The following TNFRSF8 variants were observed in gnomAD, a reference collection of about 807,000 sequenced individuals.
TNFRSF8 encodes TNF receptor superfamily member 8.
In TNFRSF8, 26 loss-of-function variants were observed where a neutral mutation model predicts 70.8. The observed-to-expected ratio is 0.37, with a 90% CI of 0.27 to 0.51. The LOEUF is 0.51. TNFRSF8 is among the 20% of genes least tolerant of loss of function. The pLI is 0.94. For missense variants in TNFRSF8, 720 were observed against 807.9 expected, an observed-to-expected ratio of 0.89 and a Z score of 1.32; for synonymous variants, 356 against 339.2, an observed-to-expected ratio of 1.05 and a Z score of -0.54.
chr1:12,123,697 T>C lies in TNFRSF8; in HGVS notation c.1041-18T>C, dbSNP rs1370848065. ...TCTTCCCATCTTCATCACTCCTGCC[T>C]TGGGCTTCTCCCCGCAGCACCAGCC... On this transcript the variant is annotated intron_variant, in intron 9 of 14. Coordinates refer to ENST00000263932, the MANE Select transcript of TNFRSF8 (RefSeq NM_001243.5). The C allele has an allele frequency of 6.5e-7, 1 of 1,548,762 alleles. No homozygotes were observed. Among genetic ancestry groups the C allele is most frequent in the Middle Eastern group, 1.7e-4 (1 of 5,966 alleles).
intron 7 of TNFRSF8, among the ~76,000 whole-genome samples, chr1:12,114,664 GT>G (rs1228885254): frequency 1.3e-5 from 1 of 77,960 alleles, no homozygotes; most frequent in Non-Finnish European, 2.9e-5. Flanking sequence ...CTCTAACATG[GT>G]TTTTTTTTGC....
chr1:12,141,436 C>T lies in TNFRSF8; in HGVS notation c.1544-851C>T, dbSNP rs2101053156. ...CCACACCAGAAGCCCCCACATCAGA[C>T]TGTGGCGAGGACCGGCCCTCCGTCC... On this transcript the variant is annotated intron_variant, in intron 14 of 14. Coordinates refer to ENST00000263932, the MANE Select transcript of TNFRSF8 (RefSeq NM_001243.5). This position sits in a 1 kb window ranked among gnomAD's most constrained non-coding sequence, Gnocchi z 5.4. Among the ~76,000 whole-genome samples the T allele has an allele frequency of 6.6e-6, 1 of 152,386 alleles. No homozygotes were observed. Among genetic ancestry groups the T allele is most frequent in the African/African-American group, 2.4e-5 (1 of 41,592 alleles).
intron 8 of TNFRSF8, among the ~76,000 whole-genome samples, chr1:12,122,681 A>C (rs535141373): frequency 6.6e-5 from 10 of 152,212 alleles, no homozygotes; most frequent in African/African-American, 2.4e-4. Flanking sequence ...ATAATTCCTT[A>C]ATAAAGTTGA....
In TNFRSF8 at chr1:12,126,270, G is replaced by A. The variant is rs771123320; in HGVS notation, c.1309+34G>A. 2.8e-5 allele frequency: 45 copies of A among 1,613,764 alleles called. No individual in the cohort carries two copies. In the African/African-American group the frequency reaches 5.5e-4, roughly 20 times the overall value. On this transcript the variant is annotated intron_variant, in intron 12 of 14. Coordinates refer to ENST00000263932, the MANE Select transcript of TNFRSF8 (RefSeq NM_001243.5). ...CCAGCCGTCCAAAGGGGCTGCCCGA[G>A]CCAGAGGAACACAGGGCAGCTCTGG... is the stretch of plus-strand genomic sequence containing the variant.
rs143384995 is a variant in TNFRSF8, at chr1:12,108,020, C to T, written c.422-1546C>T. On this transcript the variant is annotated intron_variant, in intron 4 of 14. Coordinates refer to ENST00000263932, the MANE Select transcript of TNFRSF8 (RefSeq NM_001243.5). This position sits in a 1 kb window ranked among gnomAD's most constrained non-coding sequence, Gnocchi z 4.0. Reference sequence around the variant, plus strand: ...CAGAACACGAGAGGTCAGCATTGCTCGCGCTCACCTCCACGGAAAGCTTCA... The same window carrying T: ...CAGAACACGAGAGGTCAGCATTGCTTGCGCTCACCTCCACGGAAAGCTTCA... Among the ~76,000 whole-genome samples, 365 of 151,996 alleles carry T rather than the reference C, an allele frequency of 2.4e-3. 3 individuals are homozygous for T. Among genetic ancestry groups the T allele is most frequent in the African/African-American group, 8.4e-3 (350 of 41,472 alleles).
In TNFRSF8 at chr1:12,063,442, G is replaced by T. The variant is rs11569785; in HGVS notation, c.-157G>T. 2.8e-3 allele frequency: 1,389 copies of T among 503,104 alleles called. 14 individuals carry two copies. Among genetic ancestry groups the T allele is most frequent in the East Asian group, 0.025 (698 of 28,268 alleles). 31.2% of individuals were successfully genotyped at this position (503,104 alleles called of 1,614,324 possible). ...CTTTTGAAGTGACTTCGCGGCGTGC[G>T]TTGGGTGCGGACTAGGTGGCCGCGG... On this transcript the variant is annotated 5_prime_UTR_variant, in exon 1 of 15. Transcript: ENST00000263932. This position sits in a 1 kb window ranked among gnomAD's most constrained non-coding sequence, Gnocchi z 7.2.
In TNFRSF8 at chr1:12,142,719, C is replaced by A. The variant is rs1235828613; in HGVS notation, c.*188C>A. 4.1e-6 allele frequency: 3 copies of A among 739,566 alleles called. No individual in the cohort carries two copies. The highest frequency in any genetic ancestry group is 3.5e-5 in the African/African-American group (2 of 56,474). The allele number at this position is 739,566 out of a possible 1,614,324, so 45.8% of individuals were successfully genotyped here. Reference sequence around the variant, plus strand: ...TGCTTGCATCCCCAACTTAGCTGTCCCCTGACCCAGAGCCTAGGGGATCCG... The same window carrying A: ...TGCTTGCATCCCCAACTTAGCTGTCACCTGACCCAGAGCCTAGGGGATCCG... On this transcript the variant is annotated 3_prime_UTR_variant, in exon 15 of 15. Coordinates refer to ENST00000263932, the MANE Select transcript of TNFRSF8 (RefSeq NM_001243.5). This position sits in a 1 kb window ranked among gnomAD's most constrained non-coding sequence, Gnocchi z 5.0.
intron 11 of TNFRSF8, 51 bp downstream of exon 11, chr1:12,126,103 A>C: frequency 6.2e-7 from 1 of 1,612,902 alleles, no homozygotes; most frequent in Non-Finnish European, 8.5e-7. Flanking sequence ...GCTCTCTGCC[A>C]GCCTGGCCTG....
At chr1:12,082,561 A>C (rs530621111) in intron 1 of TNFRSF8, among the ~76,000 whole-genome samples, 1 of 150,614 alleles carries the variant, frequency 6.6e-6, no homozygotes, top group African/African-American at 2.4e-5. Flanking sequence ...AAAAAAAAAA[A>C]AACAAAAACA....
chr1:12,121,388 C>T (rs777002150), intron 8 of TNFRSF8, among the ~76,000 whole-genome samples: 17 of 152,144 alleles, frequency 1.1e-4, no homozygotes, highest in Non-Finnish European at 2.5e-4. Flanking sequence ...TGTGGGGTTG[C>T]TTTGTACCAC....
Position 12,143,071 on chromosome 1 carries a change from G to GC in TNFRSF8, c.*540_*541insC. 6.5e-6 allele frequency: 1 copy of GC among 154,960 alleles called. No individual in the cohort carries two copies. The highest frequency in any genetic ancestry group is 1.9e-4 in the South Asian group (1 of 5,244). 9.6% of individuals were successfully genotyped at this position (154,960 alleles called of 1,614,324 possible). A position where few individuals can be genotyped will look rare whatever the true frequency, so the allele number is the denominator to read the frequency against. On this transcript the variant is annotated 3_prime_UTR_variant, in exon 15 of 15. Coordinates refer to ENST00000263932, the MANE Select transcript of TNFRSF8 (RefSeq NM_001243.5). This position sits in a 1 kb window ranked among gnomAD's most constrained non-coding sequence, Gnocchi z 4.1. ...GTGGTTGTTTCTCCAGAGTCAAAAG[G>GC]GAAGTCGAGGGATGGGGCGTCGTCA...
rs192576573 is a variant in TNFRSF8, at chr1:12,113,041, C to T, written c.793+1027C>T. Among the ~76,000 whole-genome samples the T allele has an allele frequency of 4.9e-4, 75 of 152,372 alleles. No individual in the cohort carries two copies. The highest frequency in any genetic ancestry group is 8.8e-4 in the Non-Finnish European group (60 of 68,034). ...GGCTGCATAGCAAATTTTCTTAAAA[C>T]TTAATTGTGAAAACAAATCATTCTT... On this transcript the variant is annotated intron_variant, in intron 7 of 14. Coordinates refer to ENST00000263932, the MANE Select transcript of TNFRSF8 (RefSeq NM_001243.5). The surrounding 1 kb of genome is among the most constrained non-coding windows in gnomAD (Gnocchi z 4.9).
At chr1:12,081,513 C>T (rs947185291) in intron 1 of TNFRSF8, among the ~76,000 whole-genome samples, 2 of 152,060 alleles carry the variant, frequency 1.3e-5, no homozygotes, top group African/African-American at 4.8e-5. Context: ...ACTCTCCTCT[C>T]CTACTGGAGG....
chr1:12,124,333 G>T (rs550675820), intron 10 of TNFRSF8, among the ~76,000 whole-genome samples: 18 of 152,160 alleles, frequency 1.2e-4, no homozygotes, highest in Non-Finnish European at 1.8e-4. Context: ...TTTAATTCTT[G>T]TAGGCAGGAA....
intron 12 of TNFRSF8, among the ~76,000 whole-genome samples, chr1:12,131,371 A>C (rs1377230670): frequency 6.6e-6 from 1 of 152,094 alleles, no homozygotes; most frequent in African/African-American, 2.4e-5. Context: ...AATTTCTTGA[A>C]CCTGGGAGGT....
At chr1:12,105,573 TCA>T (rs34007480) in intron 4 of TNFRSF8, among the ~76,000 whole-genome samples, 8,430 of 147,368 alleles carry the variant, frequency 0.057, 298 homozygotes, top group Non-Finnish European at 0.08. Flanking sequence ...TCTCTCTGTC[TCA>T]CACACACACA....
intron 1 of TNFRSF8, among the ~76,000 whole-genome samples, chr1:12,068,847 A>G (rs543475834): frequency 8.4e-4 from 127 of 151,118 alleles, no homozygotes; most frequent in African/African-American, 3.0e-3. Context: ...GATCTTCATG[A>G]TATGCTGAAA....
At chr1:12,114,633 T>G (rs1445967003) in intron 7 of TNFRSF8, among the ~76,000 whole-genome samples, 2 of 150,258 alleles carry the variant, frequency 1.3e-5, no homozygotes, top group African/African-American at 4.9e-5. Context: ...AATGCATTAT[T>G]ACACTTATTA....
chr1:12,070,248 CTTCTT>C (rs1406875481), intron 1 of TNFRSF8, among the ~76,000 whole-genome samples: 45 of 151,936 alleles, frequency 3.0e-4, no homozygotes, highest in Non-Finnish European at 4.4e-4. Flanking sequence ...TGTGCTTTTT[CTTCTT>C]TTCTTTTCTT....
Sources: allele counts gnomAD v4.1 joint callset (sites outside exome capture counted in the v4.1 genomes callset), GRCh38; gene constraint gnomAD v4.1.1; non-coding constraint Gnocchi (gnomAD v3.1); transcripts MANE v1.5; gene names NCBI Gene and HGNC (gene_info 2026-07-23, HGNC 2026-07-21).